The following NUGGC variants were observed in gnomAD, a reference collection of about 807,000 sequenced individuals.
NUGGC encodes the protein nuclear GTPase SLIP-GC.
Under a neutral mutation model 92.6 loss-of-function variants are expected in NUGGC, and 58 were observed. The ratio of observed to expected loss-of-function variants is 0.63; its 90% CI spans 0.51 to 0.78. The LOEUF is 0.78. NUGGC is among the 30% of genes least tolerant of loss of function. NUGGC has a pLI of 0.00. For synonymous variants in NUGGC, 376 were observed against 366.4 expected (o/e 1.03, Z -0.30); for missense variants, 925 against 964.6 (o/e 0.96, Z 0.54).
chr8:28,071,432 A>G (rs1002257907), intron 2 of NUGGC, among the ~76,000 whole-genome samples: 9 of 152,232 alleles, frequency 5.9e-5, no homozygotes, highest in Non-Finnish European at 7.3e-5. Context: ...GACAAAAAAA[A>G]TACACATGCA....
chr8:28,069,719 AG>A, intron 3 of NUGGC, 67 bp from the exon 4 acceptor site: 1 of 878,246 alleles, frequency 1.1e-6, no homozygotes, highest in Non-Finnish European at 2.0e-6. Context: ...TCTCCAAAGG[AG>A]GTGTCTGTTG....
At chr8:28,070,004 C>T in intron 3 of NUGGC, 3 of 669,146 alleles carry the variant, frequency 4.5e-6, no homozygotes, top group Non-Finnish European at 3.7e-6. Context: ...GCACCAACCT[C>T]ATCATTTTCA....
chr8:28,061,603 T>C (rs1244879094), intron 7 of NUGGC, among the ~76,000 whole-genome samples: 2 of 152,220 alleles, frequency 1.3e-5, no homozygotes, highest in Non-Finnish European at 2.9e-5. Context: ...TGATTCAGCT[T>C]ACAATTTTTC....
rs548984860 is a variant in NUGGC at position 28,046,147 on chromosome 8, T to C, written c.1313-487A>G. Among the ~76,000 whole-genome samples the C allele has an allele frequency of 2.0e-5, 3 of 152,240 alleles. No individual in the cohort carries two copies. In the East Asian group the frequency reaches 5.8e-4, roughly 29 times the overall value. ...AGGATTCCTGTCACATCCTAACCCA[T>C]TGTCTGTCAGAAGATAATAGATGCC... On this transcript the variant is annotated intron_variant, in intron 11 of 18. Transcript: ENST00000413272.
intron 1 of NUGGC, among the ~76,000 whole-genome samples, chr8:28,076,140 G>A (rs964166256): frequency 6.6e-6 from 1 of 152,130 alleles, no homozygotes; most frequent in African/African-American, 2.4e-5. Flanking sequence ...TGAACCACTC[G>A]AGGTCAGAGG....
At chr8:28,044,160 C>A (rs909800944) in intron 12 of NUGGC, among the ~76,000 whole-genome samples, 2 of 152,142 alleles carry the variant, frequency 1.3e-5, no homozygotes, top group Admixed American at 6.5e-5. Context: ...ATCATTGGCC[C>A]ACCTTCCCCA....
chr8:28,038,892 T>C (rs1809622317), intron 13 of NUGGC, among the ~76,000 whole-genome samples: 1 of 152,026 alleles, frequency 6.6e-6, no homozygotes, highest in Admixed American at 6.6e-5. Context: ...AAAATAATAA[T>C]AAGGGTGTTT....
chr8:28,061,341 T>G (rs1454658185), intron 7 of NUGGC, among the ~76,000 whole-genome samples: 1 of 152,240 alleles, frequency 6.6e-6, no homozygotes, highest in Non-Finnish European at 1.5e-5. Flanking sequence ...AATATGCAAC[T>G]TTCACATGAC....
chr8:28,023,274 G>T lies in NUGGC; in HGVS notation c.*43C>A. 1 of 1,589,062 alleles carries T rather than the reference G, an allele frequency of 6.3e-7. No individual in the cohort carries two copies. Among genetic ancestry groups the T allele is most frequent in the African/African-American group, 1.3e-5 (1 of 74,232 alleles). On this transcript the variant is annotated 3_prime_UTR_variant, in exon 19 of 19. Transcript: ENST00000413272. The stretch of plus-strand genomic sequence containing the variant: ...CAAAAAAAGTAATTCTAATTCTCTG[G>T]CTCTGGGCTGATTTTTCATCCATTG...
chr8:28,082,967 C>A (rs1467278047), intron 1 of NUGGC, among the ~76,000 whole-genome samples: 1 of 152,142 alleles, frequency 6.6e-6, no homozygotes, highest in Admixed American at 6.5e-5. Context: ...CACTTTCCCT[C>A]AAGAAATAAC....
Position 28,033,536 on chromosome 8 carries a change from T to C in NUGGC, c.1769+4A>G, listed in dbSNP as rs1809476177. Reference sequence around the variant, plus strand: ...CCGAAGGTGCAAGATGAGAGATCCTTTACCTAAAAATGCTTCCAAAAACAG... The same window carrying C: ...CCGAAGGTGCAAGATGAGAGATCCTCTACCTAAAAATGCTTCCAAAAACAG... On this transcript the variant is annotated splice_donor_region_variant and intron_variant, in intron 14 of 18. Coordinates refer to ENST00000413272, the MANE Select transcript of NUGGC (RefSeq NM_001010906.2). The C allele has an allele frequency of 6.2e-7, 1 of 1,612,036 alleles. No individual in the cohort carries two copies. Among genetic ancestry groups the C allele is most frequent in the African/African-American group, 1.3e-5 (1 of 74,860 alleles).
intron 1 of NUGGC, among the ~76,000 whole-genome samples, chr8:28,080,306 A>G (rs1810819878): frequency 6.6e-6 from 1 of 152,222 alleles, no homozygotes; most frequent in African/African-American, 2.4e-5. Flanking sequence ...GAGAGAGACT[A>G]TCAGAGGAAT....
At chr8:28,083,633 A>C (rs371369274) in intron 1 of NUGGC, 142 bp downstream of exon 1, 1 of 152,316 alleles carries the variant, frequency 6.6e-6, no homozygotes, top group East Asian at 1.9e-4. Context: ...ATAATGGGGA[A>C]GTTGGGTGGG....
At chr8:28,034,986 A>G (rs1809518513) in intron 13 of NUGGC, among the ~76,000 whole-genome samples, 1 of 152,194 alleles carries the variant, frequency 6.6e-6, no homozygotes. Flanking sequence ...TCTGATCTCA[A>G]AGATACATTG....
chr8:28,067,808 G>A, intron 5 of NUGGC, 64 bp from the exon 6 acceptor site: 1 of 1,291,358 alleles, frequency 7.7e-7, no homozygotes, highest in Non-Finnish European at 1.1e-6. Context: ...GACAAACAGA[G>A]GGGCCCATTG....
At chr8:28,031,488 T>C in intron 14 of NUGGC, 107 bp from the exon 15 acceptor site, 2 of 1,097,532 alleles carry the variant, frequency 1.8e-6, no homozygotes, top group East Asian at 2.4e-5. Context: ...AGAAGGAAGA[T>C]GAAATCTAAC....
chr8:28,047,795 G>A (rs1809879064), intron 10 of NUGGC, among the ~76,000 whole-genome samples, 183 bp from the exon 11 acceptor site: 1 of 152,162 alleles, frequency 6.6e-6, no homozygotes, highest in African/African-American at 2.4e-5. Flanking sequence ...TCCTAACAAG[G>A]TCAGAAGTTA....
chr8:28,041,496 T>C (rs1809698344), intron 12 of NUGGC, among the ~76,000 whole-genome samples: 2 of 152,240 alleles, frequency 1.3e-5, no homozygotes, highest in Admixed American at 1.3e-4. Flanking sequence ...GTGTAATCCA[T>C]CAGGTTATTT....
intron 7 of NUGGC, among the ~76,000 whole-genome samples, chr8:28,061,360 G>A (rs1369892951): frequency 6.6e-6 from 1 of 152,180 alleles, no homozygotes; most frequent in Non-Finnish European, 1.5e-5. Context: ...ACGATCATGT[G>A]TAGCCTTGTG....
Sources: allele counts gnomAD v4.1 joint callset (sites outside exome capture counted in the v4.1 genomes callset), GRCh38; gene constraint gnomAD v4.1.1; transcripts MANE v1.5; gene names NCBI Gene and HGNC (gene_info 2026-07-23, HGNC 2026-07-21).